The following CPT1A variants were observed in gnomAD, a reference collection of about 807,000 sequenced individuals.
CPT1A encodes the protein carnitine palmitoyltransferase 1A.
CPT1A carries 64 observed loss-of-function variants against 100.8 expected under a neutral mutation model. That is an observed-to-expected ratio of 0.63 (90% CI 0.52 to 0.78). The LOEUF is 0.78. Ranked by LOEUF, CPT1A falls within the 30% of genes least tolerant of loss-of-function variation. The pLI, the probability that CPT1A is intolerant of heterozygous loss-of-function variation, is 0.00. For missense variants in CPT1A, 802 were observed against 1,034.1 expected (o/e 0.78, Z 3.08); for synonymous variants, 363 against 396.0 (o/e 0.92, Z 0.99).
In CPT1A at chr11:68,773,285, G is replaced by A. The variant is rs1484699196; in HGVS notation, c.1720C>T (p.Leu574Phe). The A allele has an allele frequency of 5.6e-6, 9 of 1,614,110 alleles. No homozygotes were observed. The South Asian group carries it at 7.7e-5, about 14-fold the overall frequency. Residue 574 changes from leucine (L) to phenylalanine (F), a missense_variant, in exon 14 of 19, where the codon CTC (leucine) becomes TTC (phenylalanine). This residue lies in a region of CPT1A where 627 missense variants were observed against 799.3 expected (regional missense o/e 0.78). Coordinates refer to ENST00000265641, the MANE Select transcript of CPT1A (RefSeq NM_001876.4). ...CTTACCTTGTAGTGCGCCAGCTGGA[G>A]GGCCAGCTGCACAAAGGCGTCTGGG... Reference protein sequence around the residue: ...TSPDAFVQLALQLAHYKDMGK... With the variant: ...TSPDAFVQLAFQLAHYKDMGK...
intron 12 of CPT1A, among the ~76,000 whole-genome samples, chr11:68,779,805 A>AAG (rs1045048010): frequency 1.3e-5 from 2 of 151,452 alleles, no homozygotes; most frequent in East Asian, 3.9e-4. Context: ...CAAAAAAAAA[A>AAG]AAAAAAACAA....
intron 5 of CPT1A, among the ~76,000 whole-genome samples, chr11:68,801,475 CA>C (rs1855901787): frequency 6.6e-6 from 1 of 151,992 alleles, no homozygotes; most frequent in Non-Finnish European, 1.5e-5. Context: ...ACTAAAAATA[CA>C]AAAATTAGCC....
intron 9 of CPT1A, among the ~76,000 whole-genome samples, chr11:68,785,555 C>A: frequency 1.6e-5 from 2 of 125,286 alleles, no homozygotes; most frequent in East Asian, 2.4e-4. Context: ...AGTGATACTC[C>A]ATCTCAGGAA....
intron 2 of CPT1A, among the ~76,000 whole-genome samples, chr11:68,814,214 TACTTAAAAA>T (rs1378754526): frequency 1.7e-5 from 2 of 118,426 alleles, no homozygotes; most frequent in East Asian, 4.7e-4. Context: ...ACAAGACACT[TACTTAAAAA>T]AGAACAAAGT....
At chr11:68,837,441 C>T (rs147185719) in intron 1 of CPT1A, among the ~76,000 whole-genome samples, 294 of 152,304 alleles carry the variant, frequency 1.9e-3, no homozygotes, top group Non-Finnish European at 3.2e-3. Flanking sequence ...CTGAGTGAGC[C>T]AGGGCTGGTG....
At chr11:68,821,485 T>A (rs1312022702) in intron 1 of CPT1A, among the ~76,000 whole-genome samples, 2 of 152,058 alleles carry the variant, frequency 1.3e-5, no homozygotes, top group Non-Finnish European at 2.9e-5. Flanking sequence ...AGACCTGGTT[T>A]CCCCACGTTG....
chr11:68,820,871 C>G (rs1050560383), intron 1 of CPT1A, among the ~76,000 whole-genome samples: 1 of 152,170 alleles, frequency 6.6e-6, no homozygotes, highest in Non-Finnish European at 1.5e-5. Flanking sequence ...ACCTCGTATA[C>G]ACATCTGTCC....
intron 1 of CPT1A, among the ~76,000 whole-genome samples, chr11:68,838,312 C>G (rs1857062482): frequency 6.6e-6 from 1 of 151,966 alleles, no homozygotes; most frequent in Admixed American, 6.6e-5. Flanking sequence ...TCAAGATACC[C>G]AAATAGGGTA....
At chr11:68,813,847 G>A (rs1443439743) in intron 2 of CPT1A, among the ~76,000 whole-genome samples, 3 of 152,198 alleles carry the variant, frequency 2.0e-5, no homozygotes, top group Non-Finnish European at 4.4e-5. Flanking sequence ...TAGTGCCTCA[G>A]TGAAATCTCG....
At chr11:68,759,700 G>A in intron 17 of CPT1A, 39 bp from the exon 18 acceptor site, 2 of 1,430,550 alleles carry the variant, frequency 1.4e-6, no homozygotes, top group African/African-American at 1.4e-5. Flanking sequence ...GCTGGGAAAT[G>A]AGACAACGTG....
chr11:68,827,769 T>C (rs1168418740), intron 1 of CPT1A, among the ~76,000 whole-genome samples: 4 of 152,124 alleles, frequency 2.6e-5, no homozygotes, highest in African/African-American at 9.7e-5. Context: ...TACAAGTGCA[T>C]ACAGTGCCAC....
chr11:68,763,621 G>A lies in CPT1A; in HGVS notation c.1741-860C>T, dbSNP rs139618265. Among the ~76,000 whole-genome samples the A allele has an allele frequency of 7.2e-5, 11 of 152,250 alleles. No homozygotes were observed. In the East Asian group the frequency reaches 2.1e-3, roughly 29 times the overall value. ...GTGGGCTGGCAGATGCACAGGGAAG[G>A]TCTCTTCCAAAAGCTCCTGTTTTCT... On this transcript the variant is annotated intron_variant, in intron 14 of 18. Coordinates refer to ENST00000265641, the MANE Select transcript of CPT1A (RefSeq NM_001876.4).
rs1041354547 is a variant in CPT1A, at chr11:68,755,916, C to A, written c.*1728G>T. ...ATCACCTGAGGTCAGGAGTTCGAGA[C>A]CAGCCTGACCAATATGATGAAACCC... On this transcript the variant is annotated 3_prime_UTR_variant, in exon 19 of 19. Coordinates refer to ENST00000265641, the MANE Select transcript of CPT1A (RefSeq NM_001876.4). 1 of 150,836 alleles carries A rather than the reference C, an allele frequency of 6.6e-6. No homozygotes were observed. Among genetic ancestry groups the A allele is most frequent in the Non-Finnish European group, 1.5e-5 (1 of 67,680 alleles). The allele number at this position is 150,836 out of a possible 1,614,324, so 9.3% of individuals were successfully genotyped here.
chr11:68,810,346 T>C (rs887975943), intron 3 of CPT1A, among the ~76,000 whole-genome samples: 9 of 152,198 alleles, frequency 5.9e-5, no homozygotes, highest in Admixed American at 5.9e-4. Context: ...GTCTGCCAGC[T>C]GCTTTCTGAG....
At chr11:68,785,454 G>A (rs1350696352) in intron 9 of CPT1A, among the ~76,000 whole-genome samples, 3 of 151,398 alleles carry the variant, frequency 2.0e-5, no homozygotes, top group East Asian at 1.9e-4. Flanking sequence ...CCAGCTACTC[G>A]GGAGGCTGAG....
At chr11:68,828,709 G>T (rs548681754) in intron 1 of CPT1A, among the ~76,000 whole-genome samples, 4 of 150,490 alleles carry the variant, frequency 2.7e-5, no homozygotes, top group East Asian at 3.9e-4. Flanking sequence ...TGAGGAGGGT[G>T]GCAGGGGCAT....
At chr11:68,814,269 G>A (rs1856313281) in intron 2 of CPT1A, among the ~76,000 whole-genome samples, 1 of 152,134 alleles carries the variant, frequency 6.6e-6, no homozygotes, top group Non-Finnish European at 1.5e-5. Context: ...GAGAACATGT[G>A]GACTCAACTG....
intron 9 of CPT1A, among the ~76,000 whole-genome samples, chr11:68,792,270 G>A (rs1855637120): frequency 6.6e-6 from 1 of 152,122 alleles, no homozygotes; most frequent in Admixed American, 6.5e-5. Context: ...TCGGGAGGTG[G>A]AGGTTGCAGT....
At chr11:68,760,857 C>G (rs1946793931) in intron 16 of CPT1A, among the ~76,000 whole-genome samples, 2 of 147,952 alleles carry the variant, frequency 1.4e-5, no homozygotes, top group Admixed American at 1.4e-4. Context: ...TACTAAAATA[C>G]AACAACAAAA....
Sources: allele counts gnomAD v4.1 joint callset (sites outside exome capture counted in the v4.1 genomes callset), GRCh38; gene constraint gnomAD v4.1.1; regional missense constraint gnomAD v4.1.1; transcripts MANE v1.5; gene names NCBI Gene and HGNC (gene_info 2026-07-23, HGNC 2026-07-21).